Variants in GALNT13 observed in about 807,000 individuals in gnomAD.
GALNT13 encodes UDP-GalNAc:polypeptide N-acetylgalactosaminyltransferase 13.
A neutral mutation model predicts 64.2 loss-of-function variants in GALNT13; 28 were observed. The ratio of observed to expected loss-of-function variants is 0.44; its 90% CI spans 0.32 to 0.60. The LOEUF is 0.60. Among genes scored for constraint, GALNT13 ranks in the 20% least tolerant of loss-of-function variants. The probability of loss-of-function intolerance (pLI) is 0.05; values close to 1 mark genes in which losing one functional copy is unlikely to be tolerated. For missense variants in GALNT13, 577 were observed against 669.8 expected (o/e 0.86, Z 1.53); for synonymous variants, 214 against 224.6 (o/e 0.95, Z 0.42).
At chr2:153,550,583 T>G in the GALNT13 span, among the ~76,000 whole-genome samples, 1 of 152,158 alleles carries the variant, frequency 6.6e-6, no homozygotes, top group Non-Finnish European at 1.5e-5. Context: ...TCCCTGGCCT[T>G]TGTGGCATTC....
intron 8 of GALNT13, among the ~76,000 whole-genome samples, chr2:154,275,481 C>T (rs1691590904): frequency 6.6e-6 from 1 of 152,210 alleles, no homozygotes; most frequent in South Asian, 2.1e-4. Flanking sequence ...GGGGTGCAAG[C>T]CCCAAGCCTT....
the GALNT13 span, among the ~76,000 whole-genome samples, chr2:153,217,477 T>C: frequency 1.3e-5 from 2 of 152,152 alleles, no homozygotes; most frequent in Non-Finnish European, 2.9e-5. Flanking sequence ...GATGGTTTGA[T>C]AGTGTCCCAA....
intron 4 of GALNT13, among the ~76,000 whole-genome samples, chr2:154,142,778 G>A (rs553968703): frequency 1.1e-4 from 16 of 151,250 alleles, no homozygotes; most frequent in Non-Finnish European, 2.4e-4. Flanking sequence ...TTTGTGCATT[G>A]CAAATTATTA....
intron 3 of GALNT13, among the ~76,000 whole-genome samples, chr2:154,022,343 T>G (rs949361014): frequency 2.0e-5 from 3 of 152,184 alleles, no homozygotes; most frequent in Non-Finnish European, 4.4e-5. Flanking sequence ...TGGGCTTTTT[T>G]TGGTTGGTAA....
the GALNT13 span, among the ~76,000 whole-genome samples, chr2:153,788,401 A>AT: frequency 7.1e-6 from 1 of 140,732 alleles, no homozygotes; most frequent in East Asian, 1.9e-4. Flanking sequence ...ATGCTGAGGG[A>AT]ATTTTTTTTT....
At chr2:153,720,780 G>A in the GALNT13 span, among the ~76,000 whole-genome samples, 1 of 148,128 alleles carries the variant, frequency 6.8e-6, no homozygotes, top group Non-Finnish European at 1.5e-5. Flanking sequence ...AAAAAGAAAT[G>A]AGCAAAGCCT....
chr2:153,779,924 C>T, the GALNT13 span, among the ~76,000 whole-genome samples: 3 of 151,944 alleles, frequency 2.0e-5, no homozygotes, highest in East Asian at 1.9e-4. Flanking sequence ...TGTTCAGCTT[C>T]GTTTCCATCT....
the GALNT13 span, among the ~76,000 whole-genome samples, chr2:153,436,462 C>A: frequency 6.6e-6 from 1 of 152,052 alleles, no homozygotes. Context: ...TGGTCCTGGA[C>A]TTTTTTTGGT....
chr2:154,056,483 C>CT (rs1282403108), intron 3 of GALNT13, among the ~76,000 whole-genome samples: 10 of 152,036 alleles, frequency 6.6e-5, no homozygotes, highest in Non-Finnish European at 1.2e-4. Flanking sequence ...AGATCAAGTG[C>CT]TTTTTATAGT....
intron 2 of GALNT13, 75 bp downstream of exon 2, chr2:153,901,082 C>T (rs1688203220): frequency 6.6e-6 from 1 of 152,048 alleles, no homozygotes; most frequent in Admixed American, 6.6e-5. Context: ...TGAAAGAACC[C>T]ATTTCTATTT....
chr2:153,093,520 T>G, the GALNT13 span, among the ~76,000 whole-genome samples: 2 of 152,198 alleles, frequency 1.3e-5, no homozygotes, highest in East Asian at 3.8e-4. Flanking sequence ...ATTACAGGCA[T>G]GAGCCACCGT....
chr2:153,414,158 G>A, the GALNT13 span, among the ~76,000 whole-genome samples: 4 of 151,962 alleles, frequency 2.6e-5, no homozygotes, highest in South Asian at 2.1e-4. Context: ...GGCAGATCAC[G>A]AGGTCAGGAG....
At chr2:153,889,832 A>G (rs1020288515) in intron 1 of GALNT13, among the ~76,000 whole-genome samples, 1 of 151,950 alleles carries the variant, frequency 6.6e-6, no homozygotes, top group African/African-American at 2.4e-5. Flanking sequence ...GGCACTTCCA[A>G]TTTATTGAGA....
the GALNT13 span, among the ~76,000 whole-genome samples, chr2:153,652,116 A>T: frequency 6.6e-6 from 1 of 152,188 alleles, no homozygotes; most frequent in African/African-American, 2.4e-5. Context: ...AGCTACATAT[A>T]AATAAAATTA....
chr2:154,244,349 A>G (rs1689662208), intron 6 of GALNT13, among the ~76,000 whole-genome samples: 1 of 152,184 alleles, frequency 6.6e-6, no homozygotes, highest in African/African-American at 2.4e-5. Context: ...AGGAAGTGAG[A>G]AAAATGTTGA....
chr2:153,337,119 T>A, the GALNT13 span, among the ~76,000 whole-genome samples: 1 of 152,154 alleles, frequency 6.6e-6, no homozygotes, highest in African/African-American at 2.4e-5. Context: ...ATCAGCAGCG[T>A]GAAAAATGGA....
At chr2:153,577,387 G>A in the GALNT13 span, among the ~76,000 whole-genome samples, 3 of 152,020 alleles carry the variant, frequency 2.0e-5, no homozygotes, top group African/African-American at 7.2e-5. Flanking sequence ...TCAAACAAAT[G>A]CAGTCTACTA....
chr2:153,435,047 T>C, the GALNT13 span, among the ~76,000 whole-genome samples: 1 of 152,234 alleles, frequency 6.6e-6, no homozygotes, highest in Non-Finnish European at 1.5e-5. Flanking sequence ...TTTCTACATA[T>C]GGCTAGCCAG....
chr2:154,145,647 C>T (rs1683547725), intron 4 of GALNT13, among the ~76,000 whole-genome samples: 2 of 152,058 alleles, frequency 1.3e-5, no homozygotes, highest in African/African-American at 2.4e-5. Context: ...CATATGCACA[C>T]TTTCAAGTCA....
Sources: allele counts gnomAD v4.1 joint callset (sites outside exome capture counted in the v4.1 genomes callset), GRCh38; gene constraint gnomAD v4.1.1; transcripts MANE v1.5; gene names NCBI Gene and HGNC (gene_info 2026-07-23, HGNC 2026-07-21).